The following SLC27A6 variants were observed in gnomAD, a reference collection of about 807,000 sequenced individuals.
SLC27A6 encodes the protein solute carrier family 27 member 6, also known as long-chain fatty acid transport protein 6.
SLC27A6 carries 74 observed loss-of-function variants against 63.9 expected under a neutral mutation model. The ratio of observed to expected loss-of-function variants is 1.16; its 90% CI spans 0.96 to 1.40. The LOEUF (loss-of-function observed/expected upper bound fraction) is 1.40. Among genes scored for constraint, SLC27A6 ranks in the 40% most tolerant of loss-of-function variants. SLC27A6 has a pLI of 0.00. For missense variants in SLC27A6, 794 were observed against 732.9 expected (o/e 1.08, Z -0.96); for synonymous variants, 287 against 260.8 (o/e 1.10, Z -0.97).
At chr5:128,968,899 C>G (rs572674672) in intron 1 of SLC27A6, among the ~76,000 whole-genome samples, 1 of 152,274 alleles carries the variant, frequency 6.6e-6, no homozygotes, top group Admixed American at 6.5e-5. Context: ...GGTTTTAGGT[C>G]TAACATTTAA....
At chr5:129,012,390 G>C (rs1012580678) in intron 4 of SLC27A6, among the ~76,000 whole-genome samples, 9 of 151,188 alleles carry the variant, frequency 6.0e-5, no homozygotes, top group African/African-American at 2.2e-4. Context: ...ACAAATGATC[G>C]ATCTATTTTG....
intron 4 of SLC27A6, among the ~76,000 whole-genome samples, chr5:129,009,258 G>C (rs575297677): frequency 1.3e-5 from 2 of 152,230 alleles, no homozygotes; most frequent in South Asian, 4.1e-4. Flanking sequence ...ATCAGTACTT[G>C]ATCTCTAGAA....
intron 6 of SLC27A6, among the ~76,000 whole-genome samples, chr5:129,024,246 T>C (rs2150154085): frequency 6.6e-6 from 1 of 152,298 alleles, no homozygotes; most frequent in East Asian, 1.9e-4. Context: ...TGGCTCATAC[T>C]ATTCTTAATC....
chr5:129,000,761 T>A (rs546851924), intron 4 of SLC27A6, among the ~76,000 whole-genome samples: 14 of 152,178 alleles, frequency 9.2e-5, no homozygotes, highest in Non-Finnish European at 1.5e-4. Context: ...CGCATCCTTT[T>A]CTTAGGTGAT....
rs1483243657 is a variant in SLC27A6 at position 128,966,545 on chromosome 5, C to T, written c.408C>T (p.Asn136=). Residue 136 remains asparagine, a synonymous_variant, in exon 1 of 10, where the codon AAC becomes AAT. Coordinates refer to ENST00000262462, the MANE Select transcript of SLC27A6 (RefSeq NM_001017372.3). The part of the protein sequence containing the change: ...AKLGCVVAFL[N]TNIRSNSLLN... Reference sequence around the variant, plus strand: ...TGGGCTGCGTGGTGGCCTTTCTCAACACCAACATTCGCTCCAACTCCCTCC... The same window carrying T: ...TGGGCTGCGTGGTGGCCTTTCTCAATACCAACATTCGCTCCAACTCCCTCC... The T allele has an allele frequency of 1.3e-6, 2 of 1,582,794 alleles. No homozygotes were observed. The highest frequency in any genetic ancestry group is 1.8e-5 in the Admixed American group (1 of 55,374).
chr5:129,009,039 G>T (rs1310086038), intron 4 of SLC27A6, among the ~76,000 whole-genome samples: 15 of 151,828 alleles, frequency 9.9e-5, no homozygotes, highest in Middle Eastern at 6.8e-3. Flanking sequence ...ACTAATTTTT[G>T]TATTTTTAGT....
intron 1 of SLC27A6, among the ~76,000 whole-genome samples, chr5:128,975,412 A>G (rs2150129218): frequency 6.6e-6 from 1 of 152,354 alleles, no homozygotes; most frequent in East Asian, 1.9e-4. Context: ...TGTGAACATC[A>G]TAGAGTGTAC....
chr5:129,025,725 A>G (rs1752221590), intron 6 of SLC27A6, among the ~76,000 whole-genome samples: 1 of 151,786 alleles, frequency 6.6e-6, no homozygotes, highest in Non-Finnish European at 1.5e-5. Flanking sequence ...TGATGATATG[A>G]TGATGATGAT....
At chr5:129,002,351 C>T (rs1253190293) in intron 4 of SLC27A6, among the ~76,000 whole-genome samples, 1 of 152,182 alleles carries the variant, frequency 6.6e-6, no homozygotes, top group East Asian at 1.9e-4. Context: ...GTTTTGATGA[C>T]TTCCTATTAC....
At chr5:129,006,572 G>A (rs1252616704) in intron 4 of SLC27A6, among the ~76,000 whole-genome samples, 2 of 151,164 alleles carry the variant, frequency 1.3e-5, no homozygotes, top group Non-Finnish European at 2.9e-5. Context: ...ATAAATAAAG[G>A]AATCATATTA....
intron 1 of SLC27A6, among the ~76,000 whole-genome samples, chr5:128,973,229 G>A (rs1750252720): frequency 6.6e-6 from 1 of 152,138 alleles, no homozygotes; most frequent in Admixed American, 6.5e-5. Context: ...CGTGGGTCAG[G>A]GACCCACTTG....
chr5:129,018,280 A>G (rs1751972831), intron 5 of SLC27A6, among the ~76,000 whole-genome samples: 1 of 152,138 alleles, frequency 6.6e-6, no homozygotes, highest in Non-Finnish European at 1.5e-5. Context: ...ATAAACTGCC[A>G]TACCTCAAAG....
rs1289147856 is a variant in SLC27A6, at chr5:128,966,299, G to A, written c.162G>A (p.Val54=). 6.2e-7 allele frequency: 1 copy of A among 1,613,990 alleles called. No individual in the cohort carries two copies. Among genetic ancestry groups the A allele is most frequent in the Non-Finnish European group, 8.5e-7 (1 of 1,180,006 alleles). ...LKKYEKRGEL[V]TVLDKFLSHA... is the part of the protein sequence containing the mutation. ...AGTATGAAAAGAGAGGGGAGCTGGTGACTGTGCTGGATAAATTCTTGAGTC... is the reference window on the plus strand; with the variant it reads ...AGTATGAAAAGAGAGGGGAGCTGGTAACTGTGCTGGATAAATTCTTGAGTC... Residue 54 remains valine, a synonymous_variant, in exon 1 of 10, where the codon GTG becomes GTA. Coordinates refer to ENST00000262462, the MANE Select transcript of SLC27A6 (RefSeq NM_001017372.3).
chr5:128,983,984 C>T (rs936259511), intron 1 of SLC27A6, among the ~76,000 whole-genome samples: 10 of 152,010 alleles, frequency 6.6e-5, no homozygotes, highest in Non-Finnish European at 1.2e-4. Flanking sequence ...TCCCCAAGGA[C>T]GTTAATATAG....
intron 5 of SLC27A6, among the ~76,000 whole-genome samples, chr5:129,022,064 C>T (rs1247842403): frequency 4.6e-5 from 7 of 152,254 alleles, no homozygotes; most frequent in East Asian, 3.9e-4. Context: ...AAGGCAGTCC[C>T]GGAACTTCTG....
chr5:129,016,416 A>AAAAAAAC (rs1455797246), intron 5 of SLC27A6, among the ~76,000 whole-genome samples: 1 of 150,550 alleles, frequency 6.6e-6, no homozygotes, highest in South Asian at 2.1e-4. Context: ...AAAAAAAAAA[A>AAAAAAAC]AAGGAGCACC....
chr5:129,011,065 T>G (rs1420250788), intron 4 of SLC27A6, among the ~76,000 whole-genome samples: 1 of 152,190 alleles, frequency 6.6e-6, no homozygotes, highest in African/African-American at 2.4e-5. Flanking sequence ...ATTGATGGAT[T>G]TGGATTGCTT....
At position 128,966,413 on chromosome 5, in the gene SLC27A6, G is replaced by A; in HGVS notation, c.276G>A (p.Val92=). 1.2e-6 allele frequency: 2 copies of A among 1,609,552 alleles called. No individual in the cohort carries two copies. The highest frequency in any genetic ancestry group is 1.7e-6 in the Non-Finnish European group (2 of 1,177,886). ...ATGTAGACAAAAGGAGCAGCAGAGT[G>A]GCCCATGTCTTCCTGAACCATTCCT... is the stretch of plus-strand genomic sequence containing the variant. ...YQDVDKRSSR[V]AHVFLNHSSL... is the part of the protein sequence containing the mutation. Residue 92 remains valine (V), a synonymous_variant, in exon 1 of 10, where the codon GTG becomes GTA. Transcript: ENST00000262462.
intron 1 of SLC27A6, among the ~76,000 whole-genome samples, chr5:128,969,638 G>C (rs1197820965): frequency 1.3e-5 from 2 of 152,174 alleles, no homozygotes; most frequent in Non-Finnish European, 2.9e-5. Context: ...TGCTGAAGTT[G>C]CTTATCAGCT....
Sources: allele counts gnomAD v4.1 joint callset (sites outside exome capture counted in the v4.1 genomes callset), GRCh38; gene constraint gnomAD v4.1.1; transcripts MANE v1.5; gene names NCBI Gene and HGNC (gene_info 2026-07-23, HGNC 2026-07-21).